Variants in SGMS2 observed in about 807,000 individuals in gnomAD.
The protein encoded by SGMS2 is sphingomyelin synthase 2.
A neutral mutation model predicts 43.8 loss-of-function variants in SGMS2; 21 were observed. That is an observed-to-expected ratio of 0.48 (90% confidence interval 0.34 to 0.69). The LOEUF (loss-of-function observed/expected upper bound fraction) is 0.69. SGMS2 is among the 30% of genes least tolerant of loss of function. The pLI is 0.01. For missense variants in SGMS2, 384 were observed against 443.2 expected, an observed-to-expected ratio of 0.87 and a Z score of 1.20; for synonymous variants, 167 against 160.6, an observed-to-expected ratio of 1.04 and a Z score of -0.30.
intron 1 of SGMS2, among the ~76,000 whole-genome samples, chr4:107,849,046 C>A (rs1198389297): frequency 6.6e-6 from 1 of 151,892 alleles, no homozygotes; most frequent in Non-Finnish European, 1.5e-5. Flanking sequence ...ATATGGAAGT[C>A]GGGTTGTTCA....
In SGMS2 at chr4:107,895,436, A is replaced by C; in HGVS notation, c.-118A>C. 9.4e-7 allele frequency: 1 copy of C among 1,060,784 alleles called. No individual in the cohort carries two copies. Among genetic ancestry groups the C allele is most frequent in the East Asian group, 2.4e-5 (1 of 41,438 alleles). The allele number at this position is 1,060,784 out of a possible 1,614,324, so 65.7% of individuals were successfully genotyped here. A position where few individuals can be genotyped will look rare whatever the true frequency, so the allele number is the denominator to read the frequency against. Reference sequence around the variant, plus strand: ...TACCTTCTACATTTTGTATTAGGAAACAAAGTCCATTGTAAGAGTCCATGT... The same window carrying C: ...TACCTTCTACATTTTGTATTAGGAACCAAAGTCCATTGTAAGAGTCCATGT... On this transcript the variant is annotated 5_prime_UTR_variant, in exon 3 of 7. Coordinates refer to ENST00000690982, the MANE Select transcript of SGMS2 (RefSeq NM_001375905.1).
At chr4:107,863,238 G>A (rs778495615) in intron 2 of SGMS2, among the ~76,000 whole-genome samples, 4 of 152,186 alleles carry the variant, frequency 2.6e-5, no homozygotes, top group South Asian at 2.1e-4. Flanking sequence ...ACTCAGATGC[G>A]TTCAAATTCT....
intron 2 of SGMS2, among the ~76,000 whole-genome samples, chr4:107,879,243 A>T (rs534851850): frequency 1.2e-4 from 18 of 152,012 alleles, no homozygotes; most frequent in Non-Finnish European, 2.5e-4. Flanking sequence ...TTTAGAGCAC[A>T]GTTTACACAA....
intron 5 of SGMS2, among the ~76,000 whole-genome samples, chr4:107,904,785 T>C (rs1346033176): frequency 6.6e-6 from 1 of 152,178 alleles, no homozygotes; most frequent in Non-Finnish European, 1.5e-5. Flanking sequence ...ATTGAGTTAT[T>C]GGTTCTGGGG....
At chr4:107,842,639 G>A (rs1726587486) in intron 1 of SGMS2, among the ~76,000 whole-genome samples, 1 of 152,132 alleles carries the variant, frequency 6.6e-6, no homozygotes, top group African/African-American at 2.4e-5. Flanking sequence ...AGGTGTACAC[G>A]ACTTAATGAC....
chr4:107,892,234 C>CAAAAAAAAAAAAA (rs34353350), intron 2 of SGMS2, among the ~76,000 whole-genome samples: 1 of 75,100 alleles, frequency 1.3e-5, no homozygotes, highest in African/African-American at 5.4e-5. Flanking sequence ...ACTAAAACTC[C>CAAAAAAAAAAAAA]AAAAAAAAAA....
chr4:107,887,406 A>G (rs1729844313), intron 2 of SGMS2, among the ~76,000 whole-genome samples: 1 of 152,218 alleles, frequency 6.6e-6, no homozygotes, highest in Non-Finnish European at 1.5e-5. Context: ...ATTACTGATA[A>G]TGTACATTAA....
intron 2 of SGMS2, among the ~76,000 whole-genome samples, chr4:107,889,413 T>C (rs1476741546): frequency 6.6e-6 from 1 of 152,164 alleles, no homozygotes; most frequent in Admixed American, 6.6e-5. Flanking sequence ...CTAATATTAC[T>C]TTACCAATAA....
chr4:107,892,299 G>A (rs1321305192), intron 2 of SGMS2, among the ~76,000 whole-genome samples: 5 of 151,814 alleles, frequency 3.3e-5, no homozygotes, highest in African/African-American at 9.7e-5. Context: ...ACCAGAATTG[G>A]GGAGATCAGG....
intron 4 of SGMS2, among the ~76,000 whole-genome samples, chr4:107,900,692 A>T (rs1033673170): frequency 6.6e-6 from 1 of 152,134 alleles, no homozygotes; most frequent in African/African-American, 2.4e-5. Flanking sequence ...ATTACAAATC[A>T]TGTGCTTTCT....
chr4:107,883,747 T>A (rs1306717708), intron 2 of SGMS2, among the ~76,000 whole-genome samples: 2 of 152,226 alleles, frequency 1.3e-5, no homozygotes, highest in Admixed American at 1.3e-4. Flanking sequence ...TGTAAAAATA[T>A]GTTTTGTACA....
chr4:107,855,774 A>G (rs1727389189), intron 1 of SGMS2, among the ~76,000 whole-genome samples: 1 of 152,178 alleles, frequency 6.6e-6, no homozygotes, highest in Non-Finnish European at 1.5e-5. Context: ...GTCCATTGCC[A>G]AAAGTGGGGT....
chr4:107,873,019 T>G (rs1324538409), intron 2 of SGMS2, among the ~76,000 whole-genome samples: 1 of 152,186 alleles, frequency 6.6e-6, no homozygotes, highest in Non-Finnish European at 1.5e-5. Flanking sequence ...AAAGAGATTC[T>G]CAAAAGAATG....
chr4:107,880,813 C>A (rs1729276081), intron 2 of SGMS2, among the ~76,000 whole-genome samples: 2 of 144,916 alleles, frequency 1.4e-5, no homozygotes, highest in African/African-American at 5.2e-5. Context: ...AAGATCGTGC[C>A]ACTGCACTCC....
Position 107,912,781 on chromosome 4 carries a change from A to T in SGMS2, c.*2228A>T, listed in dbSNP as rs944496104. 4 of 151,930 alleles carry T rather than the reference A, an allele frequency of 2.6e-5. No homozygotes were observed. Among genetic ancestry groups the T allele is most frequent in the African/African-American group, 4.8e-5 (2 of 41,364 alleles). The allele number at this position is 151,930 out of a possible 1,614,324, so 9.4% of individuals were successfully genotyped here. A position where few individuals can be genotyped will look rare whatever the true frequency, so the allele number is the denominator to read the frequency against. On this transcript the variant is annotated 3_prime_UTR_variant, in exon 7 of 7. Coordinates refer to ENST00000690982, the MANE Select transcript of SGMS2 (RefSeq NM_001375905.1). ...AAGTAATCCAGTTTTTTTTTAATTT[A>T]AAAAAAACCATCACCTTTTAAAGAA...
In SGMS2 at chr4:107,912,536, C is replaced by G. The variant is rs1270280350; in HGVS notation, c.*1983C>G. The stretch of plus-strand genomic sequence containing the variant: ...GTTGCCCGATTGTAAAGAAAATCAT[C>G]TGACACAGAAGCCTGGATTTTGCTC... On this transcript the variant is annotated 3_prime_UTR_variant, in exon 7 of 7. Transcript: ENST00000690982. The G allele has an allele frequency of 6.6e-6, 1 of 152,122 alleles. No homozygotes were observed. Among genetic ancestry groups the G allele is most frequent in the East Asian group, 1.9e-4 (1 of 5,192 alleles). 9.4% of individuals were successfully genotyped at this position (152,122 alleles called of 1,614,324 possible).
intron 1 of SGMS2, among the ~76,000 whole-genome samples, chr4:107,846,478 T>C (rs1726827942): frequency 6.7e-6 from 1 of 150,260 alleles, no homozygotes; most frequent in South Asian, 2.1e-4. Context: ...TTCCATGGTG[T>C]ATATGTGCCA....
intron 1 of SGMS2, among the ~76,000 whole-genome samples, chr4:107,847,475 C>G (rs1006120593): frequency 2.0e-5 from 3 of 151,644 alleles, no homozygotes; most frequent in East Asian, 3.9e-4. Flanking sequence ...TGATCTATAT[C>G]TCTGTTTTGG....
intron 2 of SGMS2, among the ~76,000 whole-genome samples, chr4:107,881,518 A>T (rs1729355460): frequency 6.6e-6 from 1 of 151,992 alleles, no homozygotes; most frequent in Non-Finnish European, 1.5e-5. Context: ...GGTACGTGAG[A>T]TATTCTGATA....
Sources: gnomAD v4.1 joint callset for allele counts (sites outside exome capture counted in the v4.1 genomes callset) on GRCh38, gnomAD v4.1.1 for gene constraint, MANE v1.5 for transcripts, NCBI Gene and HGNC (gene_info 2026-07-23, HGNC 2026-07-21) for gene names.